Variants in TNPO1 observed in about 807,000 individuals in gnomAD.
TNPO1 encodes transportin-1.
In TNPO1, 8 loss-of-function variants were observed where a neutral mutation model predicts 119.5. The ratio of observed to expected loss-of-function variants is 0.07; its 90% CI spans 0.04 to 0.12. The LOEUF (loss-of-function observed/expected upper bound fraction) is 0.12. TNPO1 is among the 10% of genes least tolerant of loss of function. TNPO1 has a pLI of 1.00. For synonymous variants in TNPO1, 362 were observed against 363.0 expected, an observed-to-expected ratio of 1.00 and a Z score of 0.03; for missense variants, 576 against 1,089.8, an observed-to-expected ratio of 0.53 and a Z score of 6.64.
rs869051297 is a variant in TNPO1 at position 72,906,275 on chromosome 5, C to CTTTTTTTT, written c.*35+861_*35+868dup. ...CCATGTGCCCATCACTTTTTTTTTTCTTTTTTTTTTTTTTTTTTTTTTTTT... is the reference window on the plus strand; with the variant it reads ...CCATGTGCCCATCACTTTTTTTTTTCTTTTTTTTTTTTTTTTTTTTTTTTTTTTTTTTT... On this transcript the variant is annotated intron_variant, in intron 24 of 24. Transcript: ENST00000337273. Among the ~76,000 whole-genome samples, 48 of 54,688 alleles carry CTTTTTTTT rather than the reference C, an allele frequency of 8.8e-4. 6 individuals are homozygous for CTTTTTTTT. Among genetic ancestry groups the CTTTTTTTT allele is most frequent in the African/African-American group, 1.4e-3 (20 of 14,698 alleles). The allele number at this position is 54,688 out of a possible 152,430, so 35.9% of individuals were successfully genotyped here.
intron 6 of TNPO1, among the ~76,000 whole-genome samples, chr5:72,869,745 A>G (rs554480888): frequency 6.6e-6 from 1 of 152,330 alleles, no homozygotes; most frequent in East Asian, 1.9e-4. Flanking sequence ...ATCTATAAGG[A>G]AGAGATCATA....
chr5:72,888,858 G>T (rs772792958), intron 13 of TNPO1, among the ~76,000 whole-genome samples: 4 of 152,202 alleles, frequency 2.6e-5, no homozygotes, highest in East Asian at 3.9e-4. Flanking sequence ...CCATTCTATT[G>T]GTTGGTTTGG....
intron 24 of TNPO1, among the ~76,000 whole-genome samples, chr5:72,906,264 C>CTT (rs11356390): frequency 1.2e-4 from 11 of 90,274 alleles, no homozygotes; most frequent in African/African-American, 4.2e-4. Context: ...GTGCCCATCA[C>CTT]TTTTTTTTTT....
intron 4 of TNPO1, among the ~76,000 whole-genome samples, chr5:72,857,243 G>A (rs764593224): frequency 2.0e-5 from 3 of 151,958 alleles, no homozygotes; most frequent in Non-Finnish European, 2.9e-5. Flanking sequence ...GCTTGAACCC[G>A]GGAGGTGCAG....
intron 12 of TNPO1, among the ~76,000 whole-genome samples, 190 bp downstream of exon 12, chr5:72,887,412 A>G (rs1042266463): frequency 2.0e-5 from 3 of 152,142 alleles, no homozygotes; most frequent in African/African-American, 7.2e-5. Context: ...AACAGAGGCC[A>G]GGCATGGTGG....
At chr5:72,872,076 A>G (rs948563533) in intron 6 of TNPO1, among the ~76,000 whole-genome samples, 1 of 152,176 alleles carries the variant, frequency 6.6e-6, no homozygotes, top group Non-Finnish European at 1.5e-5. Flanking sequence ...AACAGGCTGT[A>G]GTGGGGTTTG....
intron 15 of TNPO1, among the ~76,000 whole-genome samples, chr5:72,892,565 C>G (rs1445288048): frequency 2.0e-5 from 3 of 152,170 alleles, no homozygotes; most frequent in Non-Finnish European, 4.4e-5. Context: ...CCCTCAGTAT[C>G]TGCAGGGGAT....
At chr5:72,833,671 T>G (rs955162713) in intron 1 of TNPO1, among the ~76,000 whole-genome samples, 3 of 152,230 alleles carry the variant, frequency 2.0e-5, no homozygotes, top group African/African-American at 7.2e-5. Flanking sequence ...AACTGAACAC[T>G]TTCTTAATGT....
rs1750682247 is a variant in TNPO1, at chr5:72,913,304, T to G, written c.*4631T>G. On this transcript the variant is annotated 3_prime_UTR_variant, in exon 25 of 25. Transcript: ENST00000337273. ...GAATTGTGACTAATTTTTTCAATCT[T>G]ACATAGATCTTTCACCCATTAGCAT... is the stretch of plus-strand genomic sequence containing the variant. 1 of 152,510 alleles carries G rather than the reference T, an allele frequency of 6.6e-6. No individual in the cohort carries two copies. The highest frequency in any genetic ancestry group is 2.4e-5 in the African/African-American group (1 of 41,440). The allele number at this position is 152,510 out of a possible 1,614,324, so 9.4% of individuals were successfully genotyped here.
At chr5:72,871,097 C>T (rs908752299) in intron 6 of TNPO1, among the ~76,000 whole-genome samples, 3 of 152,124 alleles carry the variant, frequency 2.0e-5, no homozygotes, top group Non-Finnish European at 2.9e-5. Context: ...CTGCCTCAGC[C>T]TCCCGAATAG....
rs1045314683 is a variant in TNPO1 at position 72,914,169 on chromosome 5, C to T, written c.*5496C>T. 1 of 152,596 alleles carries T rather than the reference C, an allele frequency of 6.6e-6. No homozygotes were observed. The highest frequency in any genetic ancestry group is 2.4e-5 in the African/African-American group (1 of 41,442). The allele number at this position is 152,596 out of a possible 1,614,324, so 9.5% of individuals were successfully genotyped here. A position where few individuals can be genotyped will look rare whatever the true frequency, so the allele number is the denominator to read the frequency against. On this transcript the variant is annotated 3_prime_UTR_variant, in exon 25 of 25. Coordinates refer to ENST00000337273, the MANE Select transcript of TNPO1 (RefSeq NM_002270.4). Reference sequence around the variant, plus strand: ...TAAATTGATATTTCTTGAAGTCTAACTCTGTGCTAACAGATCTCCATTTTA... The same window carrying T: ...TAAATTGATATTTCTTGAAGTCTAATTCTGTGCTAACAGATCTCCATTTTA...
At chr5:72,900,905 C>A in intron 21 of TNPO1, 69 bp from the exon 22 acceptor site, 1 of 1,008,764 alleles carries the variant, frequency 9.9e-7, no homozygotes, top group Non-Finnish European at 1.5e-6. Flanking sequence ...CCATTAAATA[C>A]TGTCCATTAG....
chr5:72,897,210 A>C, intron 20 of TNPO1, 59 bp downstream of exon 20: 1 of 1,236,312 alleles, frequency 8.1e-7, no homozygotes, highest in Non-Finnish European at 1.1e-6. Flanking sequence ...TAATTTTAAT[A>C]TGCGTAGAGA....
intron 2 of TNPO1, among the ~76,000 whole-genome samples, chr5:72,849,529 A>G (rs1427889172): frequency 6.6e-6 from 1 of 152,242 alleles, no homozygotes; most frequent in Non-Finnish European, 1.5e-5. Context: ...CATTTAAAAC[A>G]TCTGTAAAGA....
rs756452685 is a variant in TNPO1, at chr5:72,914,323, G to T, written c.*5650G>T. 3 of 152,572 alleles carry T rather than the reference G, an allele frequency of 2.0e-5. No individual in the cohort carries two copies. The highest frequency in any genetic ancestry group is 7.2e-5 in the African/African-American group (3 of 41,440). The allele number at this position is 152,572 out of a possible 1,614,324, so 9.5% of individuals were successfully genotyped here. A position where few individuals can be genotyped will look rare whatever the true frequency, so the allele number is the denominator to read the frequency against. ...AGTAATTTTGTATTTACATTTGTAT[G>T]ATGTGACATAATAGATGTGAATGTT... is the stretch of plus-strand genomic sequence containing the variant. On this transcript the variant is annotated 3_prime_UTR_variant, in exon 25 of 25. Transcript: ENST00000337273.
In TNPO1 at chr5:72,893,408, C is replaced by T; in HGVS notation, c.1928C>T (p.Ala643Val). 4 of 1,613,920 alleles carry T rather than the reference C, an allele frequency of 2.5e-6. No individual in the cohort carries two copies. Among genetic ancestry groups the T allele is most frequent in the Admixed American group, 1.7e-5 (1 of 59,974 alleles). Residue 643 changes from alanine to valine, a missense_variant, in exon 17 of 25, where the codon GCT (alanine) becomes GTT (valine). Around this residue, in one of 6 missense-constraint regions of TNPO1, gnomAD observed 21 missense variants for 23.9 expected, o/e 0.88. Transcript: ENST00000337273. ...AATGCTCAACCAGATCAATATGAAGCTCCAGATAAAGATTTTATGATAGTG... is the reference window on the plus strand; with the variant it reads ...AATGCTCAACCAGATCAATATGAAGTTCCAGATAAAGATTTTATGATAGTG... ...LNNAQPDQYEAPDKDFMIVAL... is the reference protein window; with the variant it reads ...LNNAQPDQYEVPDKDFMIVAL...
At chr5:72,831,058 A>G (rs969903262) in intron 1 of TNPO1, among the ~76,000 whole-genome samples, 6 of 152,142 alleles carry the variant, frequency 3.9e-5, no homozygotes, top group Admixed American at 3.9e-4. Flanking sequence ...AGAAAAATGT[A>G]TTAAGAAGAC....
intron 2 of TNPO1, among the ~76,000 whole-genome samples, chr5:72,850,147 A>G (rs1745436599): frequency 6.6e-6 from 1 of 152,204 alleles, no homozygotes; most frequent in Non-Finnish European, 1.5e-5. Flanking sequence ...TAAGAAGATA[A>G]TATATTTAAT....
intron 24 of TNPO1, among the ~76,000 whole-genome samples, chr5:72,906,373 T>C (rs1750167367): frequency 7.3e-6 from 1 of 136,386 alleles, no homozygotes; most frequent in Non-Finnish European, 1.5e-5. Context: ...TTCACTGTAA[T>C]CTCCGCCTCT....
Sources: allele counts gnomAD v4.1 joint callset (sites outside exome capture counted in the v4.1 genomes callset), GRCh38; gene constraint gnomAD v4.1.1; regional missense constraint gnomAD v4.1.1; transcripts MANE v1.5; gene names NCBI Gene and HGNC (gene_info 2026-07-23, HGNC 2026-07-21).